ZNF724: variants seen among roughly 807,000 people sequenced by gnomAD.
ZNF724 encodes zinc finger protein 724 pseudogene.
Under a neutral mutation model 29.3 loss-of-function variants are expected in ZNF724, and 14 were observed. The observed-to-expected ratio is 0.48, with a 90% CI of 0.32 to 0.75. The LOEUF is 0.75. Ranked by LOEUF, ZNF724 falls within the 30% of genes least tolerant of loss-of-function variation. The pLI is 0.04. For synonymous variants in ZNF724, 180 were observed against 193.6 expected (o/e 0.93, Z 0.58); for missense variants, 557 against 571.2 (o/e 0.98, Z 0.25).
In ZNF724 at chr19:23,229,567, C is replaced by G. The variant is rs967858880; in HGVS notation, c.226+1699G>C. ...TACAGAAACCTGCCTAGTGTCTGCC[C>G]TACAGATCAAAGTCCTGAAGGATAT... is the stretch of plus-strand genomic sequence containing the variant. On this transcript the variant is annotated intron_variant, in intron 3 of 3. Transcript: ENST00000418100. Among the ~76,000 whole-genome samples the G allele has an allele frequency of 9.9e-5, 15 of 152,182 alleles. 1 individual carries two copies. In the South Asian group the frequency reaches 1.7e-3, roughly 17 times the overall value.
intron 1 of ZNF724, among the ~76,000 whole-genome samples, chr19:23,245,948 T>C (rs1183252983): frequency 6.6e-6 from 1 of 152,200 alleles, no homozygotes; most frequent in Non-Finnish European, 1.5e-5. Flanking sequence ...TCCATGGCTC[T>C]ATAGCTTCTC....
chr19:23,221,714 G>T lies in ZNF724; in HGVS notation c.*671C>A, dbSNP rs1338703056. 2.0e-5 allele frequency: 3 copies of T among 152,204 alleles called. No homozygotes were observed. Among genetic ancestry groups the T allele is most frequent in the Non-Finnish European group, 4.4e-5 (3 of 68,276 alleles). 9.4% of individuals were successfully genotyped at this position (152,204 alleles called of 1,614,324 possible). The stretch of plus-strand genomic sequence containing the variant: ...TCCTGTCTCAACCACCGAGTAGCTG[G>T]GATTAGTCATGCACTACCACACCCA... On this transcript the variant is annotated 3_prime_UTR_variant, in exon 4 of 4. Coordinates refer to ENST00000418100, the MANE Select transcript of ZNF724 (RefSeq NM_001355404.2).
At chr19:23,238,346 G>A (rs1339815550) in intron 1 of ZNF724, among the ~76,000 whole-genome samples, 1 of 131,560 alleles carries the variant, frequency 7.6e-6, no homozygotes, top group East Asian at 2.4e-4. Flanking sequence ...GCCTGGAAGC[G>A]AGACTCCACC....
At position 23,247,273 on chromosome 19, in the gene ZNF724, G is replaced by A. The variant is rs904031707; in HGVS notation, c.3+2967C>T. Among the ~76,000 whole-genome samples, 5 of 151,922 alleles carry A rather than the reference G, an allele frequency of 3.3e-5. No homozygotes were observed. The South Asian group carries it at 6.2e-4, about 19-fold the overall frequency. On this transcript the variant is annotated intron_variant, in intron 1 of 3. Transcript: ENST00000418100. ...AGAAAATTTCTAAACTCACAGTGGGGAAAAAAAAGTAAATGAGAATTTTTA... is the reference window on the plus strand; with the variant it reads ...AGAAAATTTCTAAACTCACAGTGGGAAAAAAAAAGTAAATGAGAATTTTTA...
intron 1 of ZNF724, among the ~76,000 whole-genome samples, chr19:23,249,242 T>TTC (rs60559147): frequency 1.7e-4 from 1 of 5,864 alleles, no homozygotes; most frequent in East Asian, 0.011. Context: ...AGAGACTGCC[T>TTC]TTTTTTTTTT....
At chr19:23,244,244 G>C (rs1442237810) in intron 1 of ZNF724, among the ~76,000 whole-genome samples, 1 of 152,116 alleles carries the variant, frequency 6.6e-6, no homozygotes, top group Non-Finnish European at 1.5e-5. Flanking sequence ...TGCAGATTCG[G>C]TGTCTGGGGA....
intron 3 of ZNF724, among the ~76,000 whole-genome samples, chr19:23,229,519 G>C (rs1049890977): frequency 1.3e-5 from 2 of 152,188 alleles, no homozygotes; most frequent in African/African-American, 4.8e-5. Flanking sequence ...CCTGATGTAA[G>C]GCTCACCATA....
intron 1 of ZNF724, among the ~76,000 whole-genome samples, chr19:23,243,970 T>C (rs1331596554): frequency 6.7e-6 from 1 of 150,114 alleles, no homozygotes; most frequent in African/African-American, 2.4e-5. Context: ...AAAAAATACC[T>C]GTTTGGTGCT....
In ZNF724 at chr19:23,223,452, T is replaced by C. The variant is rs1379121156; in HGVS notation, c.793A>G (p.Ile265Val). The change falls in exon 4 of 4, where the codon ATA becomes GTA. Residue 265 changes from isoleucine (I) to valine (V), a missense_variant. Around this residue, in one of 3 missense-constraint regions of ZNF724, gnomAD observed 362 missense variants for 295.5 expected, o/e 1.22. Coordinates refer to ENST00000418100, the MANE Select transcript of ZNF724 (RefSeq NM_001355404.2). ...TTATGTGTAGTAAGGTGTGAGGATA[T>C]GTTAAAAGCTTTTCCACATTCTTCA... is the stretch of plus-strand genomic sequence containing the variant. The part of the protein sequence containing the change: ...KREECGKAFN[I>V]SSHLTTHKII... 2.6e-6 allele frequency: 2 copies of C among 764,692 alleles called. No individual in the cohort carries two copies. The highest frequency in any genetic ancestry group is 2.5e-5 in the East Asian group (1 of 40,590). The allele number at this position is 764,692 out of a possible 1,614,324, so 47.4% of individuals were successfully genotyped here.
chr19:23,224,227 C>T (rs1013649954), intron 3 of ZNF724, among the ~76,000 whole-genome samples: 1 of 151,980 alleles, frequency 6.6e-6, no homozygotes, highest in South Asian at 2.1e-4. Flanking sequence ...GTCTGGCCAA[C>T]TGGTGAGACC....
intron 1 of ZNF724, among the ~76,000 whole-genome samples, chr19:23,235,345 A>C (rs1234944021): frequency 6.6e-6 from 1 of 152,190 alleles, no homozygotes; most frequent in African/African-American, 2.4e-5. Context: ...GGGATACAGA[A>C]AGGAAGAATT....
At chr19:23,227,504 C>T (rs1443228152) in intron 3 of ZNF724, among the ~76,000 whole-genome samples, 5 of 134,900 alleles carry the variant, frequency 3.7e-5, no homozygotes, top group Admixed American at 8.4e-5. Flanking sequence ...TGCAGTGAGC[C>T]GAGATCATGC....
At chr19:23,224,154 G>A (rs1971779815) in intron 3 of ZNF724, 136 bp from the exon 4 acceptor site, 1 of 517,110 alleles carries the variant, frequency 1.9e-6, no homozygotes, top group Non-Finnish European at 3.4e-6. Context: ...GCTAATGCCT[G>A]TACTCCCAGC....
intron 2 of ZNF724, among the ~76,000 whole-genome samples, 155 bp downstream of exon 2, chr19:23,232,012 C>T (rs983831068): frequency 4.6e-5 from 7 of 152,160 alleles, no homozygotes; most frequent in African/African-American, 9.7e-5. Flanking sequence ...GCTAGGATTA[C>T]AGGCATAAGC....
Position 23,223,513 on chromosome 19 carries a change from A to G in ZNF724, c.732T>C (p.His244=), listed in dbSNP as rs1372098675. 1.3e-5 allele frequency: 10 copies of G among 747,814 alleles called. No homozygotes were observed. Among genetic ancestry groups the G allele is most frequent in the Non-Finnish European group, 2.2e-5 (9 of 402,378 alleles). The allele number at this position is 747,814 out of a possible 1,614,324, so 46.3% of individuals were successfully genotyped here. Residue 244 remains histidine (H), a synonymous_variant, in exon 4 of 4, where the codon CAT becomes CAC. Transcript: ENST00000418100. Reference sequence around the variant, plus strand: ...ATTTCTCTCCAGTATGAATTATCTTATGTGTGTTAAGGTGTGAGGACTTGT... The same window carrying G: ...ATTTCTCTCCAGTATGAATTATCTTGTGTGTGTTAAGGTGTGAGGACTTGT... ...AFNKSSHLNT[H]KIIHTGEKSY... is the part of the protein sequence containing the mutation.
chr19:23,246,776 A>G (rs1167948032), intron 1 of ZNF724, among the ~76,000 whole-genome samples: 1 of 152,226 alleles, frequency 6.6e-6, no homozygotes, highest in Non-Finnish European at 1.5e-5. Flanking sequence ...TTATCAATCT[A>G]TGTAACTCAG....
At position 23,222,257 on chromosome 19, in the gene ZNF724, G is replaced by T; in HGVS notation, c.*128C>A. The stretch of plus-strand genomic sequence containing the variant: ...ACTGTTATATCTTTCAGGTTTGTAC[G>T]GTTTCTCTCCAGTAATTCTCTTCGT... On this transcript the variant is annotated 3_prime_UTR_variant, in exon 4 of 4. Transcript: ENST00000418100. 1.6e-6 allele frequency: 1 copy of T among 608,388 alleles called. No individual in the cohort carries two copies. Among genetic ancestry groups the T allele is most frequent in the Non-Finnish European group, 2.9e-6 (1 of 345,260 alleles). 37.7% of individuals were successfully genotyped at this position (608,388 alleles called of 1,614,324 possible).
rs1182542872 is a variant in ZNF724, at chr19:23,223,817, T to G, written c.428A>C (p.Lys143Thr). The G allele has an allele frequency of 2.6e-6, 2 of 779,532 alleles. No homozygotes were observed. The highest frequency in any genetic ancestry group is 4.8e-6 in the Non-Finnish European group (2 of 417,518). The allele number at this position is 779,532 out of a possible 1,614,324, so 48.3% of individuals were successfully genotyped here. A position where few individuals can be genotyped will look rare whatever the true frequency, so the allele number is the denominator to read the frequency against. ...CACATATTTATCACACTGAAATATT[T>G]TGCTCTGGGTAGTTGTCAAACACTG... Reference protein sequence around the residue: ...FNQCLTTTQSKIFQCDKYVKD... With the variant: ...FNQCLTTTQSTIFQCDKYVKD... The change falls in exon 4 of 4, where the codon AAA becomes ACA. Residue 143 changes from lysine (K) to threonine (T), a missense_variant. This residue lies in a region of ZNF724 where 362 missense variants were observed against 295.5 expected (regional missense o/e 1.22). Transcript: ENST00000418100.
chr19:23,248,604 C>T (rs116871858), intron 1 of ZNF724, among the ~76,000 whole-genome samples: 2,673 of 143,350 alleles, frequency 0.019, 33 homozygotes, highest in Non-Finnish European at 0.031. Flanking sequence ...TTGTAAATTA[C>T]TACATTAGAG....
Sources: gnomAD v4.1 joint callset for allele counts (sites outside exome capture counted in the v4.1 genomes callset) on GRCh38, gnomAD v4.1.1 for gene constraint, gnomAD v4.1.1 regional missense constraint, MANE v1.5 for transcripts, NCBI Gene and HGNC (gene_info 2026-07-23, HGNC 2026-07-21) for gene names.